The following ARFGEF2 variants were observed in gnomAD, a reference collection of about 807,000 sequenced individuals.
ARFGEF2 encodes ARF guanine nucleotide exchange factor 2, also known as brefeldin A-inhibited guanine nucleotide-exchange protein 2.
A neutral mutation model predicts 219.9 loss-of-function variants in ARFGEF2; 74 were observed. That is an observed-to-expected ratio of 0.34 (90% CI 0.28 to 0.41). The LOEUF (loss-of-function observed/expected upper bound fraction) is 0.41. Ranked by LOEUF, ARFGEF2 falls within the 10% of genes least tolerant of loss-of-function variation. The pLI is 1.00. For missense variants in ARFGEF2, 1,743 were observed against 2,218.3 expected (o/e 0.79, Z 4.30); for synonymous variants, 733 against 799.2 (o/e 0.92, Z 1.40).
chr20:48,926,863 G>T (rs1005304189), intron 1 of ARFGEF2, among the ~76,000 whole-genome samples: 17 of 152,290 alleles, frequency 1.1e-4, no homozygotes, highest in Admixed American at 8.5e-4. Flanking sequence ...GTGGGGAAAC[G>T]TAGCTGCAGC....
At chr20:49,006,555 T>C (rs2091460508) in intron 26 of ARFGEF2, among the ~76,000 whole-genome samples, 1 of 152,174 alleles carries the variant, frequency 6.6e-6, no homozygotes, top group Admixed American at 6.5e-5. Flanking sequence ...GAAGCACTCT[T>C]TTATCCAGGG....
At chr20:48,949,168 A>G (rs1045828195) in intron 3 of ARFGEF2, among the ~76,000 whole-genome samples, 3 of 152,122 alleles carry the variant, frequency 2.0e-5, no homozygotes, top group African/African-American at 7.2e-5. Context: ...TTGAAGAGTA[A>G]TGTGCCCCTT....
intron 27 of ARFGEF2, 127 bp downstream of exon 27, chr20:49,010,531 A>G (rs1192064187): frequency 4.5e-6 from 5 of 1,099,388 alleles, no homozygotes; most frequent in Non-Finnish European, 1.3e-6. Flanking sequence ...GTAATGTGCC[A>G]GGCCGTGTTG....
chr20:49,014,105 C>T, intron 30 of ARFGEF2, 145 bp downstream of exon 30: 1 of 1,025,538 alleles, frequency 9.8e-7, no homozygotes. Context: ...AAACACCTTT[C>T]TGATACTCTC....
At chr20:48,970,407 G>A (rs550219071) in intron 9 of ARFGEF2, among the ~76,000 whole-genome samples, 1 of 151,944 alleles carries the variant, frequency 6.6e-6, no homozygotes, top group African/African-American at 2.4e-5. Flanking sequence ...TCAAGAGATC[G>A]AGACCATCCT....
intron 1 of ARFGEF2, among the ~76,000 whole-genome samples, chr20:48,932,600 C>G (rs182769140): frequency 6.6e-6 from 1 of 152,078 alleles, no homozygotes; most frequent in Non-Finnish European, 1.5e-5. Flanking sequence ...CTATTGATTG[C>G]GTGTCATCTG....
intron 16 of ARFGEF2, 73 bp downstream of exon 16, chr20:48,985,686 G>T (rs1256818238): frequency 1.3e-6 from 2 of 1,504,466 alleles, no homozygotes; most frequent in Non-Finnish European, 9.1e-7. Flanking sequence ...AATTTGGTTG[G>T]GGTTTAATCT....
At chr20:48,987,760 G>A (rs1384731049) in intron 16 of ARFGEF2, among the ~76,000 whole-genome samples, 1 of 152,016 alleles carries the variant, frequency 6.6e-6, no homozygotes, top group Non-Finnish European at 1.5e-5. Flanking sequence ...ATTTGAAATT[G>A]CTTTATTCAA....
intron 1 of ARFGEF2, among the ~76,000 whole-genome samples, chr20:48,926,149 C>T (rs1911068860): frequency 6.6e-6 from 1 of 152,142 alleles, no homozygotes; most frequent in South Asian, 2.1e-4. Flanking sequence ...CAATCTGGCT[C>T]CATAGTCCAA....
chr20:48,966,850 G>T (rs2091190920), intron 8 of ARFGEF2, among the ~76,000 whole-genome samples: 1 of 152,140 alleles, frequency 6.6e-6, no homozygotes, highest in South Asian at 2.1e-4. Flanking sequence ...AGGGTTTGTT[G>T]TTCTTGTTGT....
chr20:48,973,201 A>G lies in ARFGEF2; in HGVS notation c.1582A>G (p.Asn528Asp). The G allele has an allele frequency of 6.2e-7, 1 of 1,614,190 alleles. No homozygotes were observed. Residue 528 changes from asparagine to aspartate, a missense_variant, in exon 12 of 39, where the codon AAC becomes GAC. Asn to Asp is a conservative substitution (Grantham distance 23). Transcript: ENST00000371917. ...VNYDCDLNAA[N>D]IFERLVNDLS... is the part of the protein sequence containing the mutation. The stretch of plus-strand genomic sequence containing the variant: ...CTACGACTGTGATTTAAATGCTGCT[A>G]ACATTTTTGAGCGCCTTGTAAATGA...
At chr20:48,970,950 G>A (rs996919245) in intron 9 of ARFGEF2, among the ~76,000 whole-genome samples, 170 bp from the exon 10 acceptor site, 3 of 152,196 alleles carry the variant, frequency 2.0e-5, no homozygotes, top group African/African-American at 7.2e-5. Context: ...AAGGGCCTGC[G>A]ATTCCAGAAG....
chr20:49,018,836 T>A, intron 33 of ARFGEF2, 48 bp from the exon 34 acceptor site: 1 of 1,533,470 alleles, frequency 6.5e-7, no homozygotes, highest in Non-Finnish European at 9.0e-7. Context: ...CTGCCCAAAT[T>A]ATCATGAAGA....
chr20:48,995,948 G>C, intron 23 of ARFGEF2, 66 bp downstream of exon 23: 1 of 1,355,146 alleles, frequency 7.4e-7, no homozygotes, highest in Non-Finnish European at 1.1e-6. Flanking sequence ...TGTAGTTACT[G>C]GACATGAATG....
chr20:49,005,778 A>AC (rs1483831575), intron 26 of ARFGEF2, among the ~76,000 whole-genome samples: 1 of 150,678 alleles, frequency 6.6e-6, no homozygotes, highest in African/African-American at 2.4e-5. Flanking sequence ...TATGTCATGA[A>AC]CCCCTTTTGG....
rs775633250 is a variant in ARFGEF2 at position 48,974,842 on chromosome 20, T to C, written c.1742T>C (p.Leu581Pro). The change falls in exon 13 of 39, where the codon CTG (leucine) becomes CCG (proline). Residue 581 changes from leucine to proline, a missense_variant. By Grantham distance (98) the Leu-to-Pro change is moderately conservative. Around this residue, in one of 5 missense-constraint regions of ARFGEF2, gnomAD observed 666 missense variants for 955.4 expected, o/e 0.70. Coordinates refer to ENST00000371917, the MANE Select transcript of ARFGEF2 (RefSeq NM_006420.3). ...LKCMVEWSKD[L>P]YVNPNHQTSL... ...TGCATGGTGGAGTGGAGCAAAGACC[T>C]GTATGTGAATCCCAACCACCAGACC... 1 of 1,613,950 alleles carries C rather than the reference T, an allele frequency of 6.2e-7. No homozygotes were observed. The highest frequency in any genetic ancestry group is 1.7e-5 in the Admixed American group (1 of 59,996).
At chr20:48,976,802 C>T (rs2091265058) in intron 14 of ARFGEF2, among the ~76,000 whole-genome samples, 1 of 151,992 alleles carries the variant, frequency 6.6e-6, no homozygotes, top group African/African-American at 2.4e-5. Flanking sequence ...AGTGAGACTC[C>T]ATCTCAACAA....
chr20:48,968,446 A>C (rs566248241), intron 8 of ARFGEF2, among the ~76,000 whole-genome samples: 1 of 150,590 alleles, frequency 6.6e-6, no homozygotes, highest in Non-Finnish European at 1.5e-5. Flanking sequence ...TTGGTCACCC[A>C]GGCTGGAGTG....
chr20:49,020,739 C>A (rs565546294), intron 34 of ARFGEF2, among the ~76,000 whole-genome samples: 5 of 152,264 alleles, frequency 3.3e-5, no homozygotes, highest in Admixed American at 1.3e-4. Flanking sequence ...AGCCACCATG[C>A]CCAGGCTCTT....
Sources: allele counts gnomAD v4.1 joint callset (sites outside exome capture counted in the v4.1 genomes callset), GRCh38; gene constraint gnomAD v4.1.1; regional missense constraint gnomAD v4.1.1; transcripts MANE v1.5; gene names NCBI Gene and HGNC (gene_info 2026-07-23, HGNC 2026-07-21).